Variants in PLAAT3 observed in about 807,000 individuals in gnomAD.
PLAAT3 encodes phospholipase A and acyltransferase 3, also known as Ca-independent phospholipase A1/2.
In PLAAT3, 21 loss-of-function variants were observed where a neutral mutation model predicts 16.7. That is an observed-to-expected ratio of 1.26 (90% CI 0.89 to 1.81). PLAAT3 has a LOEUF of 1.81. Ranked by LOEUF, PLAAT3 falls within the 40% of genes most tolerant of loss-of-function variation. PLAAT3 has a pLI of 0.00. For missense variants in PLAAT3, 219 were observed against 213.7 expected (o/e 1.02, Z -0.16); for synonymous variants, 76 against 81.7 (o/e 0.93, Z 0.38).
intron 4 of PLAAT3, among the ~76,000 whole-genome samples, chr11:63,589,739 A>C (rs1938090851): frequency 6.6e-6 from 1 of 152,194 alleles, no homozygotes; most frequent in Non-Finnish European, 1.5e-5. Context: ...GCTGTAGACA[A>C]GTTACTTAAG....
chr11:63,602,970 G>A (rs556479425), intron 2 of PLAAT3, among the ~76,000 whole-genome samples: 39 of 152,274 alleles, frequency 2.6e-4, no homozygotes, highest in African/African-American at 7.7e-4. Flanking sequence ...GCAGGCTCCC[G>A]TAGTCCCAGC....
intron 2 of PLAAT3, chr11:63,608,723 C>T (rs1282465240): frequency 6.6e-6 from 1 of 152,068 alleles, no homozygotes; most frequent in African/African-American, 2.4e-5. Context: ...ACAAAAAATA[C>T]AGAAAGTGGG....
At chr11:63,609,684 T>C (rs1480704360) in intron 2 of PLAAT3, among the ~76,000 whole-genome samples, 2 of 152,220 alleles carry the variant, frequency 1.3e-5, no homozygotes, top group Admixed American at 1.3e-4. Context: ...GCAGCTGGCC[T>C]GACACATTAC....
At position 63,590,170 on chromosome 11, in the gene PLAAT3, T is replaced by C. The variant is rs1337789885; in HGVS notation, c.317A>G (p.Tyr106Cys). The part of the protein sequence containing the change: ...AEELVGQEVL[Y>C]KLTSENCEHF... ...CTCGCAGTTCTCACTGGTCAGCTTG[T>C]AGAGCACCTCCTGCCCCACCAGCTC... The change falls in exon 4 of 5, where the codon TAC (tyrosine) becomes TGC (cysteine). Residue 106 changes from tyrosine to cysteine, a missense_variant. Coordinates refer to ENST00000415826, the MANE Select transcript of PLAAT3 (RefSeq NM_001128203.2). 5 of 1,614,078 alleles carry C rather than the reference T, an allele frequency of 3.1e-6. No homozygotes were observed. The highest frequency in any genetic ancestry group is 3.4e-6 in the Non-Finnish European group (4 of 1,180,028).
chr11:63,589,409 CAAAGAAAA>C (rs1938077119), intron 4 of PLAAT3, among the ~76,000 whole-genome samples: 3 of 30,774 alleles, frequency 9.7e-5, no homozygotes, highest in African/African-American at 2.0e-4. Context: ...TTCACCTATG[CAAAGAAAA>C]AAAAAAAAAA....
rs566335892 is a variant in PLAAT3 at position 63,614,346 on chromosome 11, G to A, written c.-55+39C>T. 38 of 380,786 alleles carry A rather than the reference G, an allele frequency of 1.0e-4. No homozygotes were observed. The highest frequency in any genetic ancestry group is 7.2e-4 in the African/African-American group (34 of 47,522). The allele number at this position is 380,786 out of a possible 1,614,324, so 23.6% of individuals were successfully genotyped here. A position where few individuals can be genotyped will look rare whatever the true frequency, so the allele number is the denominator to read the frequency against. On this transcript the variant is annotated intron_variant, in intron 1 of 4. Coordinates refer to ENST00000415826, the MANE Select transcript of PLAAT3 (RefSeq NM_001128203.2). ...AGAAGCATCCCAGGCACCTCGCCCG[G>A]CCTTATCGCACCCTTCCAGGAAGAC...
Position 63,603,139 on chromosome 11 carries a change from G to A in PLAAT3, c.16-4976C>T, listed in dbSNP as rs1938471148. On this transcript the variant is annotated intron_variant, in intron 2 of 4. Transcript: ENST00000415826. ...AATGTTTACTATCTGTCCATTTACA[G>A]GAAAAGTTTGCCAACCCCTATTGTA... 3.9e-5 allele frequency among the ~76,000 whole-genome samples: 6 copies of A among 152,118 alleles called. No homozygotes were observed. In the South Asian group the frequency reaches 1.2e-3, roughly 32 times the overall value.
At chr11:63,602,455 C>G (rs1938457412) in intron 2 of PLAAT3, among the ~76,000 whole-genome samples, 1 of 152,046 alleles carries the variant, frequency 6.6e-6, no homozygotes, top group African/African-American at 2.4e-5. Flanking sequence ...CGTCACCCAT[C>G]TCAGCTGAAT....
rs114532553 is a variant in PLAAT3 at position 63,583,605 on chromosome 11, A to G, written c.387+6495T>C. On this transcript the variant is annotated intron_variant, in intron 4 of 4. Coordinates refer to ENST00000415826, the MANE Select transcript of PLAAT3 (RefSeq NM_001128203.2). ...GGGAAAAACTCTCTCTCCAAGAGTCAGTGCTACCTTCAGATGCCATTGATC... is the reference window on the plus strand; with the variant it reads ...GGGAAAAACTCTCTCTCCAAGAGTCGGTGCTACCTTCAGATGCCATTGATC... Among the ~76,000 whole-genome samples, 1,132 of 152,348 alleles carry G rather than the reference A, an allele frequency of 7.4e-3. 16 individuals are homozygous for G. Among genetic ancestry groups the G allele is most frequent in the African/African-American group, 0.025 (1,045 of 41,578 alleles).
At chr11:63,600,487 G>A (rs1290341997) in intron 2 of PLAAT3, among the ~76,000 whole-genome samples, 1 of 152,200 alleles carries the variant, frequency 6.6e-6, no homozygotes, top group Admixed American at 6.5e-5. Flanking sequence ...ATCTGTGATT[G>A]TCACAGGGGT....
rs748851566 is a variant in PLAAT3, at chr11:63,589,409, C to CAAAAAAA, written c.387+690_387+691insTTTTTTT. 9.8e-5 allele frequency among the ~76,000 whole-genome samples: 3 copies of CAAAAAAA among 30,768 alleles called. 1 individual carries two copies. The highest frequency in any genetic ancestry group is 2.9e-4 in the African/African-American group (3 of 10,194). The allele number at this position is 30,768 out of a possible 152,430, so 20.2% of individuals were successfully genotyped here. Reference sequence around the variant, plus strand: ...CTTCCCAATGTTCTTTTCACCTATGCAAAGAAAAAAAAAAAAAAAAAGATG... The same window carrying CAAAAAAA: ...CTTCCCAATGTTCTTTTCACCTATGCAAAAAAAAAAGAAAAAAAAAAAAAAAAAGATG... On this transcript the variant is annotated intron_variant, in intron 4 of 4. Transcript: ENST00000415826.
chr11:63,615,042 G>A (rs12788514), upstream of PLAAT3, among the ~76,000 whole-genome samples: 1,224 of 9,606 alleles, frequency 0.13, 359 homozygotes, highest in Middle Eastern at 0.75. Flanking sequence ...GTATATATAT[G>A]TATATATATG....
upstream of PLAAT3, among the ~76,000 whole-genome samples, chr11:63,614,656 T>G (rs182578761): frequency 5.1e-4 from 77 of 152,176 alleles, no homozygotes; most frequent in African/African-American, 1.7e-3. Context: ...TGCAGGGCCA[T>G]GATGGGTTTA....
At chr11:63,607,751 G>A (rs1440416732) in intron 2 of PLAAT3, among the ~76,000 whole-genome samples, 2 of 151,854 alleles carry the variant, frequency 1.3e-5, no homozygotes, top group Non-Finnish European at 2.9e-5. Flanking sequence ...AGAGAGGCAA[G>A]CAGGAGATAA....
At chr11:63,576,421 C>A (rs1407392760) in intron 4 of PLAAT3, among the ~76,000 whole-genome samples, 2 of 152,080 alleles carry the variant, frequency 1.3e-5, no homozygotes, top group African/African-American at 4.8e-5. Flanking sequence ...GCCAGGAGTT[C>A]CAGACAAACC....
chr11:63,602,367 C>T (rs1938455211), intron 2 of PLAAT3, among the ~76,000 whole-genome samples: 1 of 151,762 alleles, frequency 6.6e-6, no homozygotes. Context: ...AAGGACAGGG[C>T]GCTATGAAAT....
intron 4 of PLAAT3, among the ~76,000 whole-genome samples, chr11:63,589,829 C>T (rs936744700): frequency 3.9e-5 from 6 of 152,146 alleles, no homozygotes; most frequent in African/African-American, 9.7e-5. Flanking sequence ...GGACAGGTGG[C>T]CAGGGAGGGC....
chr11:63,574,850 T>G lies in PLAAT3; in HGVS notation c.*95A>C. The G allele has an allele frequency of 1.3e-6, 1 of 748,974 alleles. No homozygotes were observed. Among genetic ancestry groups the G allele is most frequent in the South Asian group, 1.6e-5 (1 of 64,392 alleles). The allele number at this position is 748,974 out of a possible 1,614,324, so 46.4% of individuals were successfully genotyped here. A position where few individuals can be genotyped will look rare whatever the true frequency, so the allele number is the denominator to read the frequency against. On this transcript the variant is annotated 3_prime_UTR_variant, in exon 5 of 5. Transcript: ENST00000415826. ...CTGTGAAAATAAGCCTTATTATAAA[T>G]CACAATGAAATCCACAAACCAAACC...
intron 4 of PLAAT3, among the ~76,000 whole-genome samples, chr11:63,586,370 G>A (rs1450293418): frequency 6.6e-6 from 1 of 152,142 alleles, no homozygotes; most frequent in African/African-American, 2.4e-5. Flanking sequence ...CTCACCTTAG[G>A]TGATCCACCC....
Sources: gnomAD v4.1 joint callset for allele counts (sites outside exome capture counted in the v4.1 genomes callset) on GRCh38, gnomAD v4.1.1 for gene constraint, MANE v1.5 for transcripts, NCBI Gene and HGNC (gene_info 2026-07-23, HGNC 2026-07-21) for gene names.